Variants in EPHA5 observed in about 807,000 individuals in gnomAD.
EPHA5 encodes the protein ephrin type-A receptor 5.
A neutral mutation model predicts 105.0 loss-of-function variants in EPHA5; 60 were observed. The observed-to-expected ratio is 0.57, with a 90% CI of 0.46 to 0.71. The LOEUF is 0.71. Ranked by LOEUF, EPHA5 falls within the 30% of genes least tolerant of loss-of-function variation. The probability of loss-of-function intolerance (pLI) is 0.00; values close to 1 mark genes in which losing one functional copy is unlikely to be tolerated. For synonymous variants in EPHA5, 513 were observed against 449.1 expected (o/e 1.14, Z -1.80); for missense variants, 1,218 against 1,274.7 (o/e 0.96, Z 0.68).
intron 5 of EPHA5, among the ~76,000 whole-genome samples, chr4:65,467,596 T>A (rs966803388): frequency 1.3e-5 from 2 of 152,154 alleles, no homozygotes; most frequent in Non-Finnish European, 2.9e-5. Context: ...CCATCCTAAA[T>A]CAGTCAGTGT....
At chr4:65,544,606 G>A (rs1380589756) in intron 3 of EPHA5, among the ~76,000 whole-genome samples, 3 of 151,960 alleles carry the variant, frequency 2.0e-5, no homozygotes, top group Admixed American at 1.3e-4. Context: ...TGGAGAAATA[G>A]CGACGCTTTT....
At chr4:65,461,051 C>A (rs1030787118) in intron 5 of EPHA5, among the ~76,000 whole-genome samples, 2 of 151,830 alleles carry the variant, frequency 1.3e-5, no homozygotes, top group African/African-American at 4.8e-5. Flanking sequence ...GATCACTACA[C>A]TTTCATTTAA....
In EPHA5 at chr4:65,539,818, G is replaced by C. The variant is rs145922124; in HGVS notation, c.911-44275C>G. ...TTAGTGTTGATATCACCTTATTTCTGTTTTAAAATCATACAATAAACTATA... is the reference window on the plus strand; with the variant it reads ...TTAGTGTTGATATCACCTTATTTCTCTTTTAAAATCATACAATAAACTATA... On this transcript the variant is annotated intron_variant, in intron 3 of 16. Coordinates refer to ENST00000613740, the MANE Select transcript of EPHA5 (RefSeq NM_001281766.3). 5.4e-3 allele frequency among the ~76,000 whole-genome samples: 822 copies of C among 151,482 alleles called. 10 individuals carry two copies. Among genetic ancestry groups the C allele is most frequent in the African/African-American group, 0.019 (785 of 41,438 alleles).
chr4:65,334,250 C>A (rs1249877505), intron 15 of EPHA5, among the ~76,000 whole-genome samples: 1 of 151,682 alleles, frequency 6.6e-6, no homozygotes, highest in Non-Finnish European at 1.5e-5. Flanking sequence ...ACAGCATGAC[C>A]CAGAGTATAA....
At chr4:65,603,726 C>T (rs1743961224) in intron 2 of EPHA5, among the ~76,000 whole-genome samples, 1 of 152,130 alleles carries the variant, frequency 6.6e-6, no homozygotes, top group African/African-American at 2.4e-5. Context: ...TTTATCTTGC[C>T]AAACAATTTC....
chr4:65,611,405 AGTAAG>A (rs1258249192), intron 2 of EPHA5, among the ~76,000 whole-genome samples: 2 of 152,082 alleles, frequency 1.3e-5, no homozygotes, highest in Non-Finnish European at 2.9e-5. Context: ...AGTTCCAGTA[AGTAAG>A]GGAAAAGAAA....
At chr4:65,330,323 G>A (rs911491931) in intron 16 of EPHA5, among the ~76,000 whole-genome samples, 1 of 150,846 alleles carries the variant, frequency 6.6e-6, no homozygotes. Flanking sequence ...GGGGATAGAG[G>A]AGCAGATAGG....
chr4:65,367,511 T>A (rs1220155194), intron 8 of EPHA5, 87 bp from the exon 9 acceptor site: 1 of 1,224,376 alleles, frequency 8.2e-7, no homozygotes, highest in East Asian at 2.4e-5. Flanking sequence ...CAACTGAAAT[T>A]ATTGCAACCC....
intron 3 of EPHA5, among the ~76,000 whole-genome samples, chr4:65,575,278 A>G (rs1166587531): frequency 3.3e-5 from 5 of 152,044 alleles, no homozygotes; most frequent in Non-Finnish European, 2.9e-5. Flanking sequence ...CAGCTACCCA[A>G]ATCAGTGGGC....
chr4:65,652,883 A>G (rs1748734222), intron 1 of EPHA5, among the ~76,000 whole-genome samples: 2 of 152,102 alleles, frequency 1.3e-5, no homozygotes, highest in African/African-American at 4.8e-5. Flanking sequence ...ACAAAGTAAT[A>G]ATGAACCCTC....
intron 3 of EPHA5, among the ~76,000 whole-genome samples, chr4:65,585,286 G>A (rs1012859607): frequency 1.3e-5 from 2 of 151,666 alleles, no homozygotes; most frequent in African/African-American, 2.4e-5. Flanking sequence ...AGATTGAAAT[G>A]GGGTGTAAGT....
At chr4:65,402,459 C>T (rs1386724268) in intron 8 of EPHA5, among the ~76,000 whole-genome samples, 1 of 152,094 alleles carries the variant, frequency 6.6e-6, no homozygotes, top group Non-Finnish European at 1.5e-5. Flanking sequence ...AGTAAGAATC[C>T]ATAGTAAAAT....
At position 65,601,472 on chromosome 4, in the gene EPHA5, G is replaced by A. The variant is rs79796606; in HGVS notation, c.910+169C>T. 4.5e-3 allele frequency among the ~76,000 whole-genome samples: 679 copies of A among 152,022 alleles called. 4 individuals carry two copies. The highest frequency in any genetic ancestry group is 0.015 in the African/African-American group (635 of 41,468). On this transcript the variant is annotated intron_variant, in intron 3 of 16. Coordinates refer to ENST00000613740, the MANE Select transcript of EPHA5 (RefSeq NM_001281766.3). ...TAAAATATTACATTAAATCTTTCAC[G>A]GTTGCCAGAAATTTTAAAATTCTGA...
chr4:65,607,659 G>T (rs148056269), intron 2 of EPHA5, among the ~76,000 whole-genome samples: 4 of 152,124 alleles, frequency 2.6e-5, no homozygotes, highest in African/African-American at 9.7e-5. Flanking sequence ...TTACAATGGC[G>T]ATCATTAAAA....
At chr4:65,561,115 G>C (rs1195209221) in intron 3 of EPHA5, among the ~76,000 whole-genome samples, 1 of 151,648 alleles carries the variant, frequency 6.6e-6, no homozygotes, top group Non-Finnish European at 1.5e-5. Context: ...AGGCTAGAAA[G>C]GTTTGACATG....
At chr4:65,578,512 T>C (rs1741290999) in intron 3 of EPHA5, among the ~76,000 whole-genome samples, 2 of 152,154 alleles carry the variant, frequency 1.3e-5, no homozygotes, top group African/African-American at 4.8e-5. Context: ...CTCTAAATGG[T>C]CTGAGCCACT....
chr4:65,335,860 A>G, intron 15 of EPHA5, 72 bp downstream of exon 15: 2 of 1,433,784 alleles, frequency 1.4e-6, no homozygotes, highest in Non-Finnish European at 1.9e-6. Flanking sequence ...GAATGATTTA[A>G]TTGATAAAAT....
intron 2 of EPHA5, among the ~76,000 whole-genome samples, chr4:65,604,796 G>A (rs553614874): frequency 2.0e-5 from 3 of 151,588 alleles, no homozygotes; most frequent in East Asian, 1.9e-4. Context: ...TGTGGCAGAC[G>A]TATTCCTAGA....
intron 3 of EPHA5, among the ~76,000 whole-genome samples, chr4:65,520,515 A>G (rs1482195631): frequency 6.6e-6 from 1 of 152,350 alleles, no homozygotes; most frequent in East Asian, 1.9e-4. Flanking sequence ...ACAAAAGCCA[A>G]AATGGACGAA....
Sources: gnomAD v4.1 joint callset for allele counts (sites outside exome capture counted in the v4.1 genomes callset) on GRCh38, gnomAD v4.1.1 for gene constraint, MANE v1.5 for transcripts, NCBI Gene and HGNC (gene_info 2026-07-23, HGNC 2026-07-21) for gene names.